Variants in RALGAPA2 observed in about 807,000 individuals in gnomAD.
RALGAPA2 encodes ral GTPase-activating protein subunit alpha-2.
Under a neutral mutation model 230.4 loss-of-function variants are expected in RALGAPA2, and 139 were observed. That is an observed-to-expected ratio of 0.60 (90% CI 0.53 to 0.69). The LOEUF (loss-of-function observed/expected upper bound fraction) is 0.69. RALGAPA2 is among the 30% of genes least tolerant of loss of function. The pLI is 0.00. For synonymous variants in RALGAPA2, 847 were observed against 837.8 expected (o/e 1.01, Z -0.19); for missense variants, 2,163 against 2,276.0 (o/e 0.95, Z 1.01).
At chr20:20,636,740 T>A (rs1365266211) in intron 8 of RALGAPA2, among the ~76,000 whole-genome samples, 1 of 152,206 alleles carries the variant, frequency 6.6e-6, no homozygotes, top group East Asian at 1.9e-4. Flanking sequence ...GAGAGGAAGA[T>A]TTGACCCCCA....
intron 37 of RALGAPA2, among the ~76,000 whole-genome samples, chr20:20,418,788 G>T (rs2060218186): frequency 6.6e-6 from 1 of 152,052 alleles, no homozygotes; most frequent in Non-Finnish European, 1.5e-5. Flanking sequence ...ACCTAGTATG[G>T]AGTGCAGTGG....
rs371397643 is a variant in RALGAPA2 at position 20,526,347 on chromosome 20, C to A, written c.3598G>T (p.Val1200Leu). The change falls in exon 28 of 40, where the codon GTG becomes TTG. Residue 1200 changes from valine to leucine, a missense_variant. Physicochemically the swap from Val to Leu is conservative, Grantham distance 32. Coordinates refer to ENST00000202677, the MANE Select transcript of RALGAPA2 (RefSeq NM_020343.4). ...GVTLKFPNKI[V>L]AQVACDVLQL... is the part of the protein sequence containing the mutation. ...AGGACATCGCAAGCTACCTGGGCCACGATTTTGTTGGGAAACTATAAAAGG... is the reference window on the plus strand; with the variant it reads ...AGGACATCGCAAGCTACCTGGGCCAAGATTTTGTTGGGAAACTATAAAAGG... The A allele has an allele frequency of 1.3e-6, 2 of 1,595,890 alleles. No homozygotes were observed. Among genetic ancestry groups the A allele is most frequent in the South Asian group, 1.2e-5 (1 of 86,842 alleles).
chr20:20,653,667 G>T, intron 3 of RALGAPA2, 80 bp from the exon 4 acceptor site: 1 of 806,378 alleles, frequency 1.2e-6, no homozygotes, highest in Non-Finnish European at 2.0e-6. Flanking sequence ...ACTCACTGTA[G>T]GTAAGTTCTA....
intron 3 of RALGAPA2, among the ~76,000 whole-genome samples, chr20:20,665,451 T>C (rs941403583): frequency 1.3e-5 from 2 of 152,334 alleles, no homozygotes; most frequent in South Asian, 4.1e-4. Context: ...TTATCTCCAG[T>C]GTCCCTTCCT....
rs146806718 is a variant in RALGAPA2, at chr20:20,525,430, G to A, written c.3694-532C>T. Among the ~76,000 whole-genome samples the A allele has an allele frequency of 1.5e-3, 227 of 152,200 alleles. 1 individual carries two copies. The highest frequency in any genetic ancestry group is 5.2e-3 in the African/African-American group (217 of 41,524). On this transcript the variant is annotated intron_variant, in intron 28 of 39. Coordinates refer to ENST00000202677, the MANE Select transcript of RALGAPA2 (RefSeq NM_020343.4). The stretch of plus-strand genomic sequence containing the variant: ...TCCATTTCACTCTAGGTCACTTAAG[G>A]TCAAAAATCACTTGTGCCTTTTAAC...
intron 10 of RALGAPA2, among the ~76,000 whole-genome samples, chr20:20,625,735 C>T (rs1295611791): frequency 7.9e-5 from 12 of 152,076 alleles, no homozygotes; most frequent in African/African-American, 2.4e-5. Context: ...TCATGACCTA[C>T]GAATAGGTCA....
intron 23 of RALGAPA2, among the ~76,000 whole-genome samples, chr20:20,562,131 A>T (rs1284683431): frequency 6.6e-6 from 1 of 152,090 alleles, no homozygotes; most frequent in Non-Finnish European, 1.5e-5. Flanking sequence ...TTGGTTACCC[A>T]TTCTTCCCCA....
At chr20:20,572,385 G>C (rs1171178100) in intron 21 of RALGAPA2, among the ~76,000 whole-genome samples, 2 of 151,222 alleles carry the variant, frequency 1.3e-5, no homozygotes, top group East Asian at 3.9e-4. Flanking sequence ...GAGGGTTGCA[G>C]TGAGCCAAGA....
intron 30 of RALGAPA2, 62 bp downstream of exon 30, chr20:20,524,344 T>C: frequency 6.3e-7 from 1 of 1,583,496 alleles, no homozygotes; most frequent in Non-Finnish European, 8.7e-7. Context: ...TAAGACATAT[T>C]TTGGTGGTTC....
At chr20:20,442,514 T>C (rs1057009231) in intron 37 of RALGAPA2, among the ~76,000 whole-genome samples, 1 of 152,266 alleles carries the variant, frequency 6.6e-6, no homozygotes, top group Non-Finnish European at 1.5e-5. Context: ...AACTGTGTTA[T>C]ATTGCTAATG....
At chr20:20,598,722 G>A (rs1325730439) in intron 16 of RALGAPA2, 2 of 456,472 alleles carry the variant, frequency 4.4e-6, no homozygotes, top group Admixed American at 2.3e-5. Context: ...GACCAGGTAA[G>A]AGAGCGCTCA....
chr20:20,640,708 T>C lies in RALGAPA2; in HGVS notation c.543A>G (p.Val181=), dbSNP rs369400736. The C allele has an allele frequency of 2.0e-5, 32 of 1,609,394 alleles. 1 individual carries two copies. The highest frequency in any genetic ancestry group is 1.9e-4 in the South Asian group (17 of 90,768). The change falls in exon 6 of 40, where the codon GTA becomes GTG. Residue 181 remains valine (V), a synonymous_variant. Coordinates refer to ENST00000202677, the MANE Select transcript of RALGAPA2 (RefSeq NM_020343.4). Reference sequence around the variant, plus strand: ...TCTGCTAACATAACTTACCATCAGCTACACTAGGGCTGGGATTGATGAGTG... The same window carrying C: ...TCTGCTAACATAACTTACCATCAGCCACACTAGGGCTGGGATTGATGAGTG... ...LETLINPSPS[V]ADVKIYPEEI...
chr20:20,473,218 T>C (rs1251846951), intron 36 of RALGAPA2, among the ~76,000 whole-genome samples: 4 of 152,296 alleles, frequency 2.6e-5, no homozygotes, highest in Admixed American at 2.6e-4. Flanking sequence ...TTCTCTTCTG[T>C]TGTCATTTAC....
chr20:20,601,703 T>TA lies in RALGAPA2; in HGVS notation c.2181dup (p.Ile728TyrfsTer8), dbSNP rs2065658755. On this transcript the variant is annotated frameshift_variant, in exon 16 of 40. Coordinates refer to ENST00000202677, the MANE Select transcript of RALGAPA2 (RefSeq NM_020343.4). LOFTEE classifies it high-confidence loss of function. ...TTACCAGTTGCTTTTTGGCGAACAA[T>TA]ATTTCTTGCCTTTTCCACTCCCGGT... is the stretch of plus-strand genomic sequence containing the variant. 6.2e-7 allele frequency: 1 copy of TA among 1,612,064 alleles called. No individual in the cohort carries two copies. Among genetic ancestry groups the TA allele is most frequent in the African/African-American group, 1.3e-5 (1 of 74,844 alleles).
intron 9 of RALGAPA2, among the ~76,000 whole-genome samples, chr20:20,630,934 T>C (rs150420679): frequency 2.0e-5 from 3 of 151,630 alleles, no homozygotes; most frequent in African/African-American, 7.3e-5. Flanking sequence ...AAAAAAAAAA[T>C]ATGCACATAG....
intron 6 of RALGAPA2, 143 bp from the exon 7 acceptor site, chr20:20,640,043 G>A (rs756856920): frequency 3.7e-5 from 23 of 619,028 alleles, no homozygotes; most frequent in Non-Finnish European, 5.7e-5. Context: ...CCAAGGCAGT[G>A]TGCATAAAGG....
chr20:20,643,932 T>C (rs559988396), intron 4 of RALGAPA2, among the ~76,000 whole-genome samples: 2 of 152,310 alleles, frequency 1.3e-5, no homozygotes, highest in African/African-American at 4.8e-5. Flanking sequence ...ATACTTAGAA[T>C]GGCATGTTTC....
intron 20 of RALGAPA2, among the ~76,000 whole-genome samples, chr20:20,579,815 C>T (rs1371408825): frequency 2.0e-5 from 3 of 152,090 alleles, no homozygotes; most frequent in Non-Finnish European, 2.9e-5. Context: ...ATGTGTTGAA[C>T]AATACATTGT....
intron 33 of RALGAPA2, among the ~76,000 whole-genome samples, chr20:20,506,384 TTAA>T (rs938921599): frequency 6.6e-6 from 1 of 152,164 alleles, no homozygotes; most frequent in African/African-American, 2.4e-5. Context: ...TTTGAATGCA[TTAA>T]TAATAAATTT....
Sources: allele counts gnomAD v4.1 joint callset (sites outside exome capture counted in the v4.1 genomes callset), GRCh38; gene constraint gnomAD v4.1.1; transcripts MANE v1.5; gene names NCBI Gene and HGNC (gene_info 2026-07-23, HGNC 2026-07-21).